NRG3: variants seen among roughly 807,000 people sequenced by gnomAD.
NRG3 encodes the protein neuregulin 3, also known as pro-neuregulin-3, membrane-bound isoform.
A neutral mutation model predicts 66.9 loss-of-function variants in NRG3; 31 were observed. The observed-to-expected ratio is 0.46, with a 90% CI of 0.35 to 0.63. The LOEUF is 0.63. Among genes scored for constraint, NRG3 ranks in the 20% least tolerant of loss-of-function variants. NRG3 has a pLI of 0.00. For synonymous variants in NRG3, 393 were observed against 359.4 expected (o/e 1.09, Z -1.06); for missense variants, 910 against 878.9 (o/e 1.04, Z -0.45).
chr10:82,984,588 G>A (rs1483647891), intron 8 of NRG3, among the ~76,000 whole-genome samples: 1 of 152,176 alleles, frequency 6.6e-6, no homozygotes, highest in East Asian at 1.9e-4. Flanking sequence ...ACTCTTGATT[G>A]TAGTACCTGG....
chr10:81,950,517 T>A (rs961657016), intron 1 of NRG3, among the ~76,000 whole-genome samples: 4 of 152,200 alleles, frequency 2.6e-5, no homozygotes, highest in Admixed American at 2.6e-4. Context: ...TACTCCTTCA[T>A]GCTGCAGAAA....
intron 3 of NRG3, among the ~76,000 whole-genome samples, chr10:82,853,256 T>G (rs1364669205): frequency 6.6e-5 from 10 of 152,206 alleles, no homozygotes; most frequent in Non-Finnish European, 1.5e-5. Context: ...TTTTGCTTAG[T>G]CTTGCTTTGG....
intron 1 of NRG3, among the ~76,000 whole-genome samples, chr10:82,302,380 C>T (rs117938426): frequency 0.017 from 2,584 of 152,196 alleles, 25 homozygotes; most frequent in Non-Finnish European, 0.027. Context: ...TTGTTGGCTA[C>T]CATATTGTTA....
At chr10:82,406,430 G>C (rs918444229) in intron 2 of NRG3, among the ~76,000 whole-genome samples, 1 of 152,174 alleles carries the variant, frequency 6.6e-6, no homozygotes, top group African/African-American at 2.4e-5. Context: ...ACTGGCCTGG[G>C]AAAGTTAAAT....
intron 4 of NRG3, among the ~76,000 whole-genome samples, chr10:82,909,669 C>T (rs1023969808): frequency 2.0e-5 from 3 of 152,152 alleles, no homozygotes; most frequent in African/African-American, 7.2e-5. Flanking sequence ...AGGCCAAGAC[C>T]TACGTTCATT....
chr10:81,893,433 G>T (rs1289181357), intron 1 of NRG3, among the ~76,000 whole-genome samples: 4 of 149,950 alleles, frequency 2.7e-5, no homozygotes, highest in African/African-American at 1.0e-4. Flanking sequence ...AACATCCGCA[G>T]TATGGAATGG....
At chr10:82,898,493 A>C (rs1177650609) in intron 4 of NRG3, among the ~76,000 whole-genome samples, 4 of 152,070 alleles carry the variant, frequency 2.6e-5, no homozygotes, top group African/African-American at 9.7e-5. Flanking sequence ...GACTACACAA[A>C]AGTAGATGGT....
chr10:82,167,095 A>G (rs1249762509), intron 1 of NRG3, among the ~76,000 whole-genome samples: 1 of 151,850 alleles, frequency 6.6e-6, no homozygotes, highest in African/African-American at 2.4e-5. Context: ...TATTCTTTTT[A>G]AATTATTTTT....
At chr10:82,621,516 C>T (rs572731295) in intron 2 of NRG3, among the ~76,000 whole-genome samples, 17 of 152,308 alleles carry the variant, frequency 1.1e-4, no homozygotes, top group African/African-American at 3.6e-4. Flanking sequence ...ATAAGCAGTG[C>T]GTGTTGGCTG....
intron 2 of NRG3, among the ~76,000 whole-genome samples, chr10:82,605,881 C>A (rs892212312): frequency 6.6e-6 from 1 of 152,014 alleles, no homozygotes; most frequent in Non-Finnish European, 1.5e-5. Context: ...TTCTAATATA[C>A]ATGGGATTAT....
chr10:82,116,915 A>T (rs900519870), intron 1 of NRG3, among the ~76,000 whole-genome samples: 10 of 152,076 alleles, frequency 6.6e-5, no homozygotes, highest in African/African-American at 2.4e-4. Context: ...TGCTTTCATT[A>T]TAGAAGTGCT....
intron 1 of NRG3, among the ~76,000 whole-genome samples, chr10:81,902,949 A>T (rs1301959633): frequency 3.9e-5 from 6 of 151,974 alleles, no homozygotes; most frequent in Non-Finnish European, 1.5e-5. Context: ...ACAACATCTC[A>T]CTCAGTTCTC....
intron 2 of NRG3, among the ~76,000 whole-genome samples, chr10:82,625,857 G>A (rs901182885): frequency 6.6e-6 from 1 of 152,122 alleles, no homozygotes; most frequent in African/African-American, 2.4e-5. Flanking sequence ...GAAGGAACAG[G>A]AAAAATGGGC....
intron 2 of NRG3, among the ~76,000 whole-genome samples, chr10:82,595,249 C>A (rs2047206667): frequency 6.6e-6 from 1 of 152,296 alleles, no homozygotes; most frequent in East Asian, 1.9e-4. Flanking sequence ...TGAACTTACT[C>A]ACTACAGAGG....
At chr10:82,081,441 A>G (rs112721641) in intron 1 of NRG3, among the ~76,000 whole-genome samples, 18 of 151,974 alleles carry the variant, frequency 1.2e-4, no homozygotes, top group Admixed American at 2.6e-4. Flanking sequence ...TATCATAGGG[A>G]GTGAAAGTTA....
chr10:81,927,274 A>C (rs1488042147), intron 1 of NRG3, among the ~76,000 whole-genome samples: 1 of 152,162 alleles, frequency 6.6e-6, no homozygotes, highest in Non-Finnish European at 1.5e-5. Flanking sequence ...TGCCTTCATA[A>C]ACTGAATTAT....
rs185475723 is a variant in NRG3, at chr10:82,313,160, G to A, written c.824-45579G>A. Among the ~76,000 whole-genome samples, 18 of 151,830 alleles carry A rather than the reference G, an allele frequency of 1.2e-4. 1 individual carries two copies. The South Asian group carries it at 2.5e-3, about 21-fold the overall frequency. On this transcript the variant is annotated intron_variant, in intron 1 of 8. Coordinates refer to ENST00000372141, the MANE Select transcript of NRG3 (RefSeq NM_001010848.4). Reference sequence around the variant, plus strand: ...GCCACTGCACTCTACCTGACAGAGCGAGACCCTGTCTCAAAAAAACAAAAA... The same window carrying A: ...GCCACTGCACTCTACCTGACAGAGCAAGACCCTGTCTCAAAAAAACAAAAA...
chr10:82,673,048 G>C (rs1415407034), intron 2 of NRG3, among the ~76,000 whole-genome samples: 1 of 152,226 alleles, frequency 6.6e-6, no homozygotes, highest in Admixed American at 6.5e-5. Flanking sequence ...ACCGTGCCCA[G>C]CCCTTCATGG....
chr10:81,922,508 A>G (rs1846353958), intron 1 of NRG3, among the ~76,000 whole-genome samples: 1 of 152,214 alleles, frequency 6.6e-6, no homozygotes, highest in Admixed American at 6.5e-5. Flanking sequence ...AACATGCAGT[A>G]TTTGACTTTT....
Sources: gnomAD v4.1 joint callset for allele counts (sites outside exome capture counted in the v4.1 genomes callset) on GRCh38, gnomAD v4.1.1 for gene constraint, MANE v1.5 for transcripts, NCBI Gene and HGNC (gene_info 2026-07-23, HGNC 2026-07-21) for gene names.